RBFOX1: variants seen among roughly 807,000 people sequenced by gnomAD.
RBFOX1 encodes the protein RNA binding fox-1 homolog 1.
A neutral mutation model predicts 57.7 loss-of-function variants in RBFOX1; 8 were observed. That is an observed-to-expected ratio of 0.14 (90% CI 0.08 to 0.25). The LOEUF (loss-of-function observed/expected upper bound fraction) is 0.25, where lower values mean the gene tolerates loss of function less well. Ranked by LOEUF, RBFOX1 falls within the 10% of genes least tolerant of loss-of-function variation. The pLI is 1.00. For missense variants in RBFOX1, 611 were observed against 548.5 expected, an observed-to-expected ratio of 1.11 and a Z score of -1.14; for synonymous variants, 326 against 222.4, an observed-to-expected ratio of 1.47 and a Z score of -4.15.
chr16:5,327,932 A>G (rs1169818930), intron 1 of RBFOX1, among the ~76,000 whole-genome samples: 1 of 152,140 alleles, frequency 6.6e-6, no homozygotes, highest in Non-Finnish European at 1.5e-5. Flanking sequence ...CTGGCTTTCC[A>G]TATTGTTTCT....
intron 10 of RBFOX1, among the ~76,000 whole-genome samples, chr16:7,617,746 C>T (rs534186035): frequency 6.6e-6 from 1 of 152,164 alleles, no homozygotes; most frequent in South Asian, 2.1e-4. Flanking sequence ...GGCTTTCCCT[C>T]TAGAAGTCAA....
chr16:7,406,118 C>T (rs961559158), intron 4 of RBFOX1, among the ~76,000 whole-genome samples: 4 of 152,172 alleles, frequency 2.6e-5, no homozygotes, highest in Non-Finnish European at 5.9e-5. Context: ...TGGCAAGATA[C>T]CCGCATTGCC....
At chr16:7,122,045 A>G (rs931123561) in intron 4 of RBFOX1, among the ~76,000 whole-genome samples, 33 of 152,210 alleles carry the variant, frequency 2.2e-4, no homozygotes, top group African/African-American at 7.5e-4. Flanking sequence ...GTAGAACTGT[A>G]AAGTTTTAGA....
chr16:7,581,929 C>G (rs1180637663), intron 6 of RBFOX1, among the ~76,000 whole-genome samples: 1 of 151,958 alleles, frequency 6.6e-6, no homozygotes, highest in South Asian at 2.1e-4. Flanking sequence ...GTTGTCCAGG[C>G]TGCTCACAAA....
In RBFOX1 at chr16:6,273,245, T is replaced by A. The variant is rs561154435; in HGVS notation, c.-126-43750T>A. Among the ~76,000 whole-genome samples the A allele has an allele frequency of 9.4e-5, 14 of 149,618 alleles. No homozygotes were observed. The South Asian group carries it at 3.0e-3, about 32-fold the overall frequency. ...CTGTACTCCAGCCTGGGCAGCAGAG[T>A]GAGACTCTGTTTTAAAAAAAAACAA... On this transcript the variant is annotated intron_variant, in intron 1 of 15. Coordinates refer to ENST00000550418, the MANE Select transcript of RBFOX1 (RefSeq NM_018723.4).
chr16:6,344,841 C>A (rs1043408266), intron 2 of RBFOX1, among the ~76,000 whole-genome samples: 1 of 151,756 alleles, frequency 6.6e-6, no homozygotes, highest in South Asian at 2.1e-4. Context: ...TAGGCATGTG[C>A]CACCATGCTC....
chr16:5,316,600 A>G lies in RBFOX1; in HGVS notation c.219+76495A>G, dbSNP rs536182493. On this transcript the variant is annotated intron_variant, in intron 1 of 2. Transcript: ENST00000585867. ...CACGTTGCTGAGCCTCATTTTTCTC[A>G]TCTGTAAAAACTAGAATAAGAATAC... 7.9e-5 allele frequency among the ~76,000 whole-genome samples: 12 copies of G among 152,314 alleles called. No individual in the cohort carries two copies. The South Asian group carries it at 2.5e-3, about 32-fold the overall frequency.
intron 3 of RBFOX1, among the ~76,000 whole-genome samples, chr16:6,774,907 A>G (rs949102940): frequency 2.0e-5 from 3 of 152,122 alleles, no homozygotes; most frequent in African/African-American, 4.8e-5. Context: ...ACTTAACCCC[A>G]TTGAGTAGTG....
rs79441446 is a variant in RBFOX1 at position 6,081,612 on chromosome 16, G to A, written c.-127+61620G>A. Among the ~76,000 whole-genome samples the A allele has an allele frequency of 5.3e-3, 809 of 152,288 alleles. 10 individuals carry two copies. The highest frequency in any genetic ancestry group is 0.018 in the African/African-American group (744 of 41,556). ...TCTTAACCATTACAAAGAGCTTCCC[G>A]TGAGGTTGAACCTGGGGTTCCTAGC... On this transcript the variant is annotated intron_variant, in intron 1 of 15. Transcript: ENST00000550418.
chr16:5,886,063 G>T (rs1597639236), intron 4 of RBFOX1, among the ~76,000 whole-genome samples: 1 of 152,218 alleles, frequency 6.6e-6, no homozygotes, highest in East Asian at 1.9e-4. Flanking sequence ...CCGCTCTGCC[G>T]TATCAAAATG....
chr16:6,493,658 C>A (rs1414836649), intron 2 of RBFOX1, among the ~76,000 whole-genome samples: 2 of 152,074 alleles, frequency 1.3e-5, no homozygotes, highest in African/African-American at 4.8e-5. Context: ...TTTCAATTTG[C>A]TGTAAGGGCA....
intron 4 of RBFOX1, among the ~76,000 whole-genome samples, chr16:7,493,106 T>C (rs1337215950): frequency 6.6e-6 from 1 of 152,168 alleles, no homozygotes; most frequent in African/African-American, 2.4e-5. Context: ...CTCAAACTCC[T>C]GACCTTAGGG....
At chr16:7,225,983 C>A (rs140560526) in intron 4 of RBFOX1, among the ~76,000 whole-genome samples, 1 of 151,162 alleles carries the variant, frequency 6.6e-6, no homozygotes, top group East Asian at 1.9e-4. Context: ...GACCAAATGG[C>A]GATGCTCTAA....
chr16:7,212,061 C>G (rs562806856), intron 4 of RBFOX1, among the ~76,000 whole-genome samples: 2 of 152,186 alleles, frequency 1.3e-5, no homozygotes, highest in South Asian at 2.1e-4. Flanking sequence ...AGGTTCCTAA[C>G]AAGTCACTGG....
intron 2 of RBFOX1, among the ~76,000 whole-genome samples, chr16:6,575,781 C>G (rs1165888266): frequency 6.6e-6 from 1 of 151,174 alleles, no homozygotes; most frequent in East Asian, 2.0e-4. Context: ...CGCTTGAACC[C>G]AGGAGGTGGA....
chr16:7,592,372 G>A (rs1054717969), intron 7 of RBFOX1, among the ~76,000 whole-genome samples: 1 of 152,132 alleles, frequency 6.6e-6, no homozygotes. Flanking sequence ...CATACTTAAT[G>A]CTGATTTCGG....
intron 4 of RBFOX1, among the ~76,000 whole-genome samples, chr16:5,980,056 G>T (rs1249044804): frequency 3.9e-5 from 6 of 152,166 alleles, no homozygotes; most frequent in Non-Finnish European, 7.4e-5. Flanking sequence ...CTTCCAATCA[G>T]CTCCACCCTC....
chr16:5,605,137 G>A (rs1321379130), downstream of RBFOX1, among the ~76,000 whole-genome samples: 1 of 152,162 alleles, frequency 6.6e-6, no homozygotes, highest in African/African-American at 2.4e-5. Context: ...TGCTGTGAGT[G>A]GTGACAGGCT....
At chr16:6,755,179 C>G (rs1466795260) in intron 3 of RBFOX1, among the ~76,000 whole-genome samples, 1 of 152,164 alleles carries the variant, frequency 6.6e-6, no homozygotes, top group Admixed American at 6.5e-5. Flanking sequence ...GTGCATGTGT[C>G]TTTATAGCAG....
Sources: allele counts gnomAD v4.1 joint callset (sites outside exome capture counted in the v4.1 genomes callset), GRCh38; gene constraint gnomAD v4.1.1; transcripts MANE v1.5; gene names NCBI Gene and HGNC (gene_info 2026-07-23, HGNC 2026-07-21).